Variants in TRIM44 observed in about 807,000 individuals in gnomAD.
TRIM44 encodes tripartite motif containing 44.
A neutral mutation model predicts 37.4 loss-of-function variants in TRIM44; 13 were observed. The ratio of observed to expected loss-of-function variants is 0.35; its 90% CI spans 0.23 to 0.55. TRIM44 has a LOEUF of 0.55. Ranked by LOEUF, TRIM44 falls within the 20% of genes least tolerant of loss-of-function variation. The pLI, the probability that TRIM44 is intolerant of heterozygous loss-of-function variation, is 0.89. For synonymous variants in TRIM44, 175 were observed against 157.2 expected (o/e 1.11, Z -0.85); for missense variants, 426 against 437.2 (o/e 0.97, Z 0.23).
At chr11:35,771,483 T>C (rs1423950084) in intron 4 of TRIM44, among the ~76,000 whole-genome samples, 1 of 152,190 alleles carries the variant, frequency 6.6e-6, no homozygotes, top group Non-Finnish European at 1.5e-5. Context: ...CCCGGCACTT[T>C]GGGAGGCCAA....
chr11:35,706,969 A>G (rs1218650121), intron 2 of TRIM44, among the ~76,000 whole-genome samples: 1 of 151,878 alleles, frequency 6.6e-6, no homozygotes, highest in Non-Finnish European at 1.5e-5. Flanking sequence ...GAGGAAGTCA[A>G]ATTGTCCCTG....
intron 3 of TRIM44, among the ~76,000 whole-genome samples, chr11:35,732,651 A>G (rs942090530): frequency 5.9e-5 from 9 of 152,154 alleles, no homozygotes; most frequent in African/African-American, 1.9e-4. Context: ...AACCCTACAA[A>G]TGTGGGAGAA....
chr11:35,761,143 A>G (rs1405233694), intron 4 of TRIM44, among the ~76,000 whole-genome samples: 1 of 152,110 alleles, frequency 6.6e-6, no homozygotes, highest in Non-Finnish European at 1.5e-5. Flanking sequence ...TTTATGGCCA[A>G]CTAGTATTCC....
intron 1 of TRIM44, among the ~76,000 whole-genome samples, chr11:35,668,952 T>G (rs188812025): frequency 8.9e-4 from 135 of 152,364 alleles, no homozygotes; most frequent in Non-Finnish European, 1.4e-3. Context: ...CTGTCTTAGC[T>G]ATTCCTTTAA....
chr11:35,714,880 C>G lies in TRIM44; in HGVS notation c.748-11044C>G, dbSNP rs537275823. ...GCAGGAAAACAAGATGGAATAGAAG[C>G]TCTCACCCTTATTCTTGGTTGTTAC... On this transcript the variant is annotated intron_variant, in intron 2 of 4. Coordinates refer to ENST00000299413, the MANE Select transcript of TRIM44 (RefSeq NM_017583.6). Among the ~76,000 whole-genome samples the G allele has an allele frequency of 6.6e-5, 10 of 152,144 alleles. No homozygotes were observed. The East Asian group carries it at 1.9e-3, about 29-fold the overall frequency.
At chr11:35,721,221 A>G (rs778559805) in intron 2 of TRIM44, among the ~76,000 whole-genome samples, 8 of 152,114 alleles carry the variant, frequency 5.3e-5, no homozygotes, top group Non-Finnish European at 1.0e-4. Context: ...CTTTTTATAT[A>G]TGGATTAATT....
chr11:35,790,734 T>G (rs1853198087), intron 4 of TRIM44, among the ~76,000 whole-genome samples: 2 of 152,310 alleles, frequency 1.3e-5, no homozygotes, highest in South Asian at 4.1e-4. Context: ...GCAGATTTCA[T>G]ATAGTTCAGA....
At chr11:35,685,198 G>GTT in intron 1 of TRIM44, 61 bp from the exon 2 acceptor site, 3 of 1,394,808 alleles carry the variant, frequency 2.2e-6, no homozygotes, top group Non-Finnish European at 3.0e-6. Context: ...CCAAAATGCT[G>GTT]TTTGTGTTTG....
intron 4 of TRIM44, among the ~76,000 whole-genome samples, chr11:35,791,697 C>T (rs146340779): frequency 4.6e-5 from 7 of 152,264 alleles, no homozygotes; most frequent in African/African-American, 1.2e-4. Context: ...CTCCTTGCCC[C>T]GTTGTCTTCC....
chr11:35,800,860 G>A (rs903210749), intron 4 of TRIM44, among the ~76,000 whole-genome samples: 2 of 152,226 alleles, frequency 1.3e-5, no homozygotes, highest in African/African-American at 4.8e-5. Flanking sequence ...TGCTTAAAAT[G>A]CAAGGCATCC....
rs919997443 is a variant in TRIM44 at position 35,809,322 on chromosome 11, C to A, written c.*2937C>A. 1 of 152,182 alleles carries A rather than the reference C, an allele frequency of 6.6e-6. No homozygotes were observed. Among genetic ancestry groups the A allele is most frequent in the Admixed American group, 6.5e-5 (1 of 15,272 alleles). The allele number at this position is 152,182 out of a possible 1,614,324, so 9.4% of individuals were successfully genotyped here. On this transcript the variant is annotated 3_prime_UTR_variant, in exon 5 of 5. Coordinates refer to ENST00000299413, the MANE Select transcript of TRIM44 (RefSeq NM_017583.6). ...AGCTCCCCCTAATTCTGTGGACAGG[C>A]ACTTTGTACCACACACCATGGTCCA... is the stretch of plus-strand genomic sequence containing the variant.
intron 4 of TRIM44, among the ~76,000 whole-genome samples, chr11:35,782,190 G>T (rs1299117135): frequency 6.6e-6 from 1 of 152,154 alleles, no homozygotes; most frequent in Non-Finnish European, 1.5e-5. Flanking sequence ...AAGTCCAGCG[G>T]GTGGGGGGAA....
At chr11:35,752,190 A>G (rs1484548514) in intron 4 of TRIM44, among the ~76,000 whole-genome samples, 1 of 151,794 alleles carries the variant, frequency 6.6e-6, no homozygotes, top group African/African-American at 2.4e-5. Context: ...TAATCAGCAA[A>G]TCCTGTCAGA....
chr11:35,735,841 T>C (rs903434658), intron 4 of TRIM44, among the ~76,000 whole-genome samples: 1 of 152,146 alleles, frequency 6.6e-6, no homozygotes, highest in African/African-American at 2.4e-5. Context: ...TAGTATTCTT[T>C]ATTTTTGACC....
intron 4 of TRIM44, among the ~76,000 whole-genome samples, chr11:35,748,618 C>G (rs1407659213): frequency 6.6e-6 from 1 of 152,092 alleles, no homozygotes; most frequent in Non-Finnish European, 1.5e-5. Flanking sequence ...AAATCGTGGT[C>G]CCAATCTACA....
chr11:35,712,788 A>G (rs1260897466), intron 2 of TRIM44, among the ~76,000 whole-genome samples: 1 of 152,132 alleles, frequency 6.6e-6, no homozygotes, highest in Non-Finnish European at 1.5e-5. Context: ...TCAGGTTTCC[A>G]GTGCAGGATT....
chr11:35,793,964 C>T (rs544394088), intron 4 of TRIM44, among the ~76,000 whole-genome samples: 2 of 152,342 alleles, frequency 1.3e-5, no homozygotes, highest in East Asian at 1.9e-4. Flanking sequence ...CAAGTAATAA[C>T]TTCCATTTAT....
intron 2 of TRIM44, among the ~76,000 whole-genome samples, chr11:35,690,135 GT>G (rs1007803968): frequency 6.6e-6 from 1 of 151,416 alleles, no homozygotes; most frequent in Non-Finnish European, 1.5e-5. Flanking sequence ...TGAAACAGCA[GT>G]TTTTTTTTCC....
chr11:35,692,796 G>T (rs192865050), intron 2 of TRIM44, among the ~76,000 whole-genome samples: 1 of 151,960 alleles, frequency 6.6e-6, no homozygotes, highest in South Asian at 2.1e-4. Flanking sequence ...GGTGGTGGGC[G>T]CCTGTAGTCC....
Sources: gnomAD v4.1 joint callset for allele counts (sites outside exome capture counted in the v4.1 genomes callset) on GRCh38, gnomAD v4.1.1 for gene constraint, MANE v1.5 for transcripts, NCBI Gene and HGNC (gene_info 2026-07-23, HGNC 2026-07-21) for gene names.